The following PLCB1 variants were observed in gnomAD, a reference collection of about 807,000 sequenced individuals.
PLCB1 encodes phospholipase C beta 1.
PLCB1 carries 46 observed loss-of-function variants against 161.8 expected under a neutral mutation model. That is an observed-to-expected ratio of 0.28 (90% CI 0.22 to 0.36). The LOEUF (loss-of-function observed/expected upper bound fraction) is 0.36, where lower values mean the gene tolerates loss of function less well. PLCB1 is among the 10% of genes least tolerant of loss of function. The pLI is 1.00. For missense variants in PLCB1, 1,016 were observed against 1,472.5 expected (o/e 0.69, Z 5.07); for synonymous variants, 517 against 503.7 (o/e 1.03, Z -0.35).
At chr20:8,343,623 A>G (rs973309643) in intron 2 of PLCB1, among the ~76,000 whole-genome samples, 15 of 152,218 alleles carry the variant, frequency 9.9e-5, no homozygotes, top group African/African-American at 3.6e-4. Context: ...ATCATTTAGT[A>G]TACTTCCAGG....
chr20:8,206,714 C>G (rs1978551480), intron 2 of PLCB1, among the ~76,000 whole-genome samples: 1 of 149,996 alleles, frequency 6.7e-6, no homozygotes, highest in Non-Finnish European at 1.5e-5. Flanking sequence ...TAAATGTATC[C>G]CAAGAAAATA....
At chr20:8,793,405 C>T (rs1051741395) in intron 31 of PLCB1, among the ~76,000 whole-genome samples, 4 of 152,136 alleles carry the variant, frequency 2.6e-5, no homozygotes, top group African/African-American at 9.7e-5. Flanking sequence ...GGGGAATCTG[C>T]CCCGATATTC....
intron 2 of PLCB1, among the ~76,000 whole-genome samples, chr20:8,333,896 A>C (rs1177384665): frequency 6.6e-6 from 1 of 152,204 alleles, no homozygotes; most frequent in Non-Finnish European, 1.5e-5. Flanking sequence ...TGGTGGAATA[A>C]ACATTGAGTG....
chr20:8,520,673 C>T (rs555425883), intron 3 of PLCB1, among the ~76,000 whole-genome samples: 6 of 152,298 alleles, frequency 3.9e-5, no homozygotes, highest in South Asian at 2.1e-4. Flanking sequence ...AACCACTCCA[C>T]GACTAAAGGC....
intron 11 of PLCB1, among the ~76,000 whole-genome samples, chr20:8,698,466 C>T (rs551749120): frequency 6.6e-6 from 1 of 152,184 alleles, no homozygotes; most frequent in East Asian, 1.9e-4. Context: ...TGTTGGCTTT[C>T]TTTATCATGA....
intron 3 of PLCB1, among the ~76,000 whole-genome samples, chr20:8,523,486 C>A (rs1215789912): frequency 3.3e-5 from 2 of 61,170 alleles, no homozygotes; most frequent in Admixed American, 3.6e-4. Context: ...CTCTCTCTCT[C>A]TCTCTCTCTC....
chr20:8,665,829 G>GGCT, intron 9 of PLCB1, among the ~76,000 whole-genome samples: 1 of 152,226 alleles, frequency 6.6e-6, no homozygotes, highest in East Asian at 1.9e-4. Context: ...TAAAGAAATA[G>GGCT]GCTGGCATAG....
rs1295772727 is a variant in PLCB1 at position 8,132,604 on chromosome 20, A to G, written c.-48A>G. 1 of 1,361,322 alleles carries G rather than the reference A, an allele frequency of 7.3e-7. No individual in the cohort carries two copies. The highest frequency in any genetic ancestry group is 1.0e-6 in the Non-Finnish European group (1 of 982,102). The allele number at this position is 1,361,322 out of a possible 1,614,324, so 84.3% of individuals were successfully genotyped here. ...GCCCCGCGCCCCGCGCACGGTCCCC[A>G]GTCCCTGCCGCGCTCGCCCGGGCCG... On this transcript the variant is annotated 5_prime_UTR_variant, in exon 1 of 32. Coordinates refer to ENST00000338037, the MANE Select transcript of PLCB1 (RefSeq NM_015192.4). The surrounding 1 kb of genome is among the most constrained non-coding windows in gnomAD (Gnocchi z 5.2).
intron 2 of PLCB1, among the ~76,000 whole-genome samples, chr20:8,170,547 C>A (rs977177556): frequency 6.6e-6 from 1 of 151,932 alleles, no homozygotes; most frequent in African/African-American, 2.4e-5. Context: ...CTTAGGAAAA[C>A]AAATCAATAA....
At chr20:8,447,322 T>C (rs534715252) in intron 3 of PLCB1, among the ~76,000 whole-genome samples, 3 of 152,256 alleles carry the variant, frequency 2.0e-5, no homozygotes, top group Admixed American at 1.3e-4. Context: ...GCTGTGAAAT[T>C]TGGACAAGCA....
intron 2 of PLCB1, among the ~76,000 whole-genome samples, chr20:8,301,112 G>A (rs1227661243): frequency 6.6e-6 from 1 of 152,080 alleles, no homozygotes; most frequent in Non-Finnish European, 1.5e-5. Context: ...ATTATTACAG[G>A]ACCCAGTCAA....
chr20:8,844,076 T>C (rs745810710), intron 31 of PLCB1, among the ~76,000 whole-genome samples: 61 of 152,236 alleles, frequency 4.0e-4, no homozygotes, highest in Non-Finnish European at 3.4e-4. Flanking sequence ...CAAAACTCAC[T>C]GTTAGCTGTG....
At chr20:8,436,134 TTCGAGACCA>T (rs1273325943) in intron 3 of PLCB1, among the ~76,000 whole-genome samples, 1 of 151,734 alleles carries the variant, frequency 6.6e-6, no homozygotes, top group African/African-American at 2.4e-5. Context: ...AGGCCAGGAG[TTCGAGACCA>T]GCCTGGCCAT....
chr20:8,824,880 A>T (rs1985613979), intron 31 of PLCB1, among the ~76,000 whole-genome samples: 1 of 152,214 alleles, frequency 6.6e-6, no homozygotes, highest in Non-Finnish European at 1.5e-5. Context: ...TTAGTAAGCC[A>T]ATCATAACAC....
intron 3 of PLCB1, among the ~76,000 whole-genome samples, chr20:8,565,923 G>C (rs1050127112): frequency 6.6e-6 from 1 of 152,084 alleles, no homozygotes; most frequent in African/African-American, 2.4e-5. Flanking sequence ...TTTACAAGAA[G>C]TGTGTGCACT....
chr20:8,624,177 G>C (rs143350722), intron 3 of PLCB1, among the ~76,000 whole-genome samples: 5 of 152,252 alleles, frequency 3.3e-5, no homozygotes, highest in African/African-American at 1.2e-4. Flanking sequence ...TCCAACTGTT[G>C]TACTGAGTGC....
In PLCB1 at chr20:8,838,072, T is replaced by TA. The variant is rs3034968; in HGVS notation, c.3424-43534dup. On this transcript the variant is annotated intron_variant, in intron 31 of 31. Transcript: ENST00000338037. ...GTAAGCTGAAAATTTCTATGTCAAA[T>TA]AAAAAAAAAAAAAAAAGTATTACCT... is the stretch of plus-strand genomic sequence containing the variant. Among the ~76,000 whole-genome samples the TA allele has an allele frequency of 2.6e-3, 381 of 148,512 alleles. 1 individual carries two copies. The highest frequency in any genetic ancestry group is 8.9e-3 in the African/African-American group (356 of 40,162).
chr20:8,463,363 T>G (rs1464984813), intron 3 of PLCB1, among the ~76,000 whole-genome samples: 1 of 152,126 alleles, frequency 6.6e-6, no homozygotes, highest in African/African-American at 2.4e-5. Context: ...ACATAACCAC[T>G]GATCTGAATT....
chr20:8,511,862 A>G (rs750882430), intron 3 of PLCB1, among the ~76,000 whole-genome samples: 3 of 152,028 alleles, frequency 2.0e-5, no homozygotes, highest in Admixed American at 1.3e-4. Flanking sequence ...CCATTTTTTT[A>G]AAAAATTCGA....
Sources: allele counts gnomAD v4.1 joint callset (sites outside exome capture counted in the v4.1 genomes callset), GRCh38; gene constraint gnomAD v4.1.1; non-coding constraint Gnocchi (gnomAD v3.1); transcripts MANE v1.5; gene names NCBI Gene and HGNC (gene_info 2026-07-23, HGNC 2026-07-21).